The following TLK1 variants were observed in gnomAD, a reference collection of about 807,000 sequenced individuals.
The protein encoded by TLK1 is tousled like kinase 1, also known as serine/threonine-protein kinase tousled-like 1.
Under a neutral mutation model 105.3 loss-of-function variants are expected in TLK1, and 24 were observed. The ratio of observed to expected loss-of-function variants is 0.23; its 90% CI spans 0.17 to 0.32. The LOEUF is 0.32. Among genes scored for constraint, TLK1 ranks in the 10% least tolerant of loss-of-function variants. The probability of loss-of-function intolerance (pLI) is 1.00; values close to 1 mark genes in which losing one functional copy is unlikely to be tolerated. For synonymous variants in TLK1, 321 were observed against 310.4 expected (o/e 1.03, Z -0.36); for missense variants, 558 against 910.5 (o/e 0.61, Z 4.98).
chr2:171,084,341 G>A (rs539649756), intron 2 of TLK1, among the ~76,000 whole-genome samples: 14 of 152,236 alleles, frequency 9.2e-5, no homozygotes, highest in African/African-American at 2.9e-4. Flanking sequence ...TCCTTGAAAC[G>A]GATCTTTACA....
Position 171,160,226 on chromosome 2 carries a change from G to T in TLK1, c.139+64C>A. The T allele has an allele frequency of 1.6e-6, 2 of 1,253,178 alleles. No individual in the cohort carries two copies. Among genetic ancestry groups the T allele is most frequent in the South Asian group, 2.5e-5 (1 of 39,956 alleles). 77.6% of individuals were successfully genotyped at this position (1,253,178 alleles called of 1,614,324 possible). A position where few individuals can be genotyped will look rare whatever the true frequency, so the allele number is the denominator to read the frequency against. On this transcript the variant is annotated intron_variant, in intron 1 of 20. Coordinates refer to ENST00000431350, the MANE Select transcript of TLK1 (RefSeq NM_012290.5). The surrounding 1 kb of genome is among the most constrained non-coding windows in gnomAD (Gnocchi z 4.4). Reference sequence around the variant, plus strand: ...CCCGGGGCGGGGGGGGCGGGGGGGGGGCGCGGGGGTCCGCGGCGCGGGAGA... The same window carrying T: ...CCCGGGGCGGGGGGGGCGGGGGGGGTGCGCGGGGGTCCGCGGCGCGGGAGA...
intron 2 of TLK1, among the ~76,000 whole-genome samples, chr2:171,111,387 A>G (rs1047912605): frequency 6.6e-6 from 1 of 152,110 alleles, no homozygotes; most frequent in Non-Finnish European, 1.5e-5. Flanking sequence ...GTCTGGGTAC[A>G]TGGTAAAACC....
intron 2 of TLK1, among the ~76,000 whole-genome samples, chr2:171,093,191 T>TA (rs1204355441): frequency 2.0e-5 from 3 of 152,226 alleles, no homozygotes; most frequent in Non-Finnish European, 4.4e-5. Context: ...GACACAGAGC[T>TA]AAGTGCTGAG....
At chr2:171,145,598 A>C (rs981906684) in intron 1 of TLK1, among the ~76,000 whole-genome samples, 1 of 152,050 alleles carries the variant, frequency 6.6e-6, no homozygotes, top group South Asian at 2.1e-4. Context: ...TCAAAAAAAA[A>C]AAAACAAAAA....
intron 3 of TLK1, among the ~76,000 whole-genome samples, chr2:171,072,528 T>G (rs965382509): frequency 2.6e-5 from 4 of 151,520 alleles, no homozygotes; most frequent in Non-Finnish European, 4.4e-5. Context: ...GAGGCCAAGG[T>G]TGGTGGATCA....
intron 1 of TLK1, among the ~76,000 whole-genome samples, chr2:171,119,956 A>C (rs1037000701): frequency 6.6e-6 from 1 of 152,162 alleles, no homozygotes; most frequent in Non-Finnish European, 1.5e-5. Flanking sequence ...GCAACTAAAG[A>C]AAAAATAGGG....
chr2:171,076,341 CCT>C (rs1454234988), intron 3 of TLK1, among the ~76,000 whole-genome samples: 9 of 152,134 alleles, frequency 5.9e-5, no homozygotes, highest in African/African-American at 2.2e-4. Context: ...TCCAATTCTC[CCT>C]CTCTGTCTCA....
chr2:171,170,495 C>T (rs1014792827), intron 1 of TLK1, among the ~76,000 whole-genome samples: 5 of 152,164 alleles, frequency 3.3e-5, no homozygotes, highest in African/African-American at 1.2e-4. Flanking sequence ...GATAGGGCCA[C>T]GTTATTGGGT....
chr2:171,105,673 C>T (rs1411191802), intron 2 of TLK1, among the ~76,000 whole-genome samples: 2 of 151,372 alleles, frequency 1.3e-5, no homozygotes, highest in African/African-American at 2.4e-5. Context: ...GGCGACAGAG[C>T]GAGACTCCGT....
intron 1 of TLK1, among the ~76,000 whole-genome samples, chr2:171,228,325 A>G (rs13391119): frequency 0.056 from 8,563 of 152,318 alleles, 498 homozygotes; most frequent in East Asian, 0.25. Context: ...AGTCTGAGGC[A>G]GGAGGATCAC....
Position 171,136,828 on chromosome 2 carries a change from G to A in TLK1, c.140-18971C>T, listed in dbSNP as rs190021081. The stretch of plus-strand genomic sequence containing the variant: ...GGAAAGTTACTCTATACAAGGACGG[G>A]CAGCAGTGACTACCCTGTTAAATAT... On this transcript the variant is annotated intron_variant, in intron 1 of 20. Transcript: ENST00000431350. 2.4e-4 allele frequency among the ~76,000 whole-genome samples: 36 copies of A among 152,294 alleles called. No homozygotes were observed. In the East Asian group the frequency reaches 6.5e-3, roughly 28 times the overall value.
At chr2:171,078,925 CCT>C (rs757863099) in intron 3 of TLK1, among the ~76,000 whole-genome samples, 44 of 152,274 alleles carry the variant, frequency 2.9e-4, no homozygotes, top group Non-Finnish European at 4.0e-4. Flanking sequence ...TTTTGTTTCC[CCT>C]GTTTCAATGG....
At chr2:171,186,692 T>G (rs1010511860) in intron 1 of TLK1, among the ~76,000 whole-genome samples, 7 of 152,166 alleles carry the variant, frequency 4.6e-5, no homozygotes, top group Non-Finnish European at 1.0e-4. Context: ...GCTTAAATAA[T>G]CACTTTGTAA....
chr2:171,228,729 C>T (rs1263168486), intron 1 of TLK1, among the ~76,000 whole-genome samples: 2 of 152,184 alleles, frequency 1.3e-5, no homozygotes, highest in African/African-American at 4.8e-5. Flanking sequence ...TTCTGAGCAA[C>T]ACTGACTGTC....
intron 8 of TLK1, among the ~76,000 whole-genome samples, chr2:171,052,660 T>A (rs1469846096): frequency 6.6e-6 from 1 of 152,210 alleles, no homozygotes; most frequent in Non-Finnish European, 1.5e-5. Flanking sequence ...AAATAATATG[T>A]TGTGAAGAAT....
At chr2:171,147,464 A>C (rs1464904987) in intron 1 of TLK1, among the ~76,000 whole-genome samples, 59 of 152,200 alleles carry the variant, frequency 3.9e-4, no homozygotes, top group Admixed American at 3.7e-3. Flanking sequence ...CAGCCTTTCA[A>C]CTTCTGGGCT....
At chr2:171,115,455 G>C (rs980132578) in intron 2 of TLK1, among the ~76,000 whole-genome samples, 2 of 152,088 alleles carry the variant, frequency 1.3e-5, no homozygotes, top group Non-Finnish European at 2.9e-5. Flanking sequence ...TTACAGGCGT[G>C]AGCAACCGTG....
At chr2:171,053,895 T>C (rs1687370259) in intron 7 of TLK1, 42 bp from the exon 8 acceptor site, 1 of 1,409,280 alleles carries the variant, frequency 7.1e-7, no homozygotes, top group South Asian at 1.3e-5. Flanking sequence ...ATTATATATG[T>C]TGTTTCAAGC....
Position 171,102,988 on chromosome 2 carries a change from T to C in TLK1, c.258+14751A>G, listed in dbSNP as rs540529911. Among the ~76,000 whole-genome samples, 50 of 152,206 alleles carry C rather than the reference T, an allele frequency of 3.3e-4. 1 individual carries two copies. The highest frequency in any genetic ancestry group is 1.1e-3 in the African/African-American group (44 of 41,518). ...AAACTAAGGGGCAGTGACAAAGGTA[T>C]TACCTTACATACAGCGGTGAGATAA... On this transcript the variant is annotated intron_variant, in intron 2 of 20. Transcript: ENST00000431350.
Sources: gnomAD v4.1 joint callset for allele counts (sites outside exome capture counted in the v4.1 genomes callset) on GRCh38, gnomAD v4.1.1 for gene constraint, Gnocchi (gnomAD v3.1) non-coding constraint, MANE v1.5 for transcripts, NCBI Gene and HGNC (gene_info 2026-07-23, HGNC 2026-07-21) for gene names.